Variants in ZNF92 observed in about 807,000 individuals in gnomAD.
ZNF92 encodes the protein zinc finger protein 92, also known as epididymis luminal protein 203.
A neutral mutation model predicts 12.4 loss-of-function variants in ZNF92; 11 were observed. The observed-to-expected ratio is 0.89, with a 90% CI of 0.56 to 1.47. The LOEUF (loss-of-function observed/expected upper bound fraction) is 1.47, where lower values mean the gene tolerates loss of function less well. Ranked by LOEUF, ZNF92 falls within the 40% of genes most tolerant of loss-of-function variation. The pLI is 0.00. For synonymous variants in ZNF92, 206 were observed against 228.6 expected, an observed-to-expected ratio of 0.90 and a Z score of 0.89; for missense variants, 622 against 681.0, an observed-to-expected ratio of 0.91 and a Z score of 0.96.
rs150697207 is a variant in ZNF92 at position 65,397,006 on chromosome 7, A to G, written c.227-1335A>G. ...TTTTTTATCTTCAAGTATCCTCTGT[A>G]CTACTTTTTTTTTTCTATATTCTTC... On this transcript the variant is annotated intron_variant, in intron 3 of 3. Coordinates refer to ENST00000328747, the MANE Select transcript of ZNF92 (RefSeq NM_152626.4). 4.9e-4 allele frequency among the ~76,000 whole-genome samples: 74 copies of G among 151,760 alleles called. 3 individuals are homozygous for G. Among genetic ancestry groups the G allele is most frequent in the African/African-American group, 1.7e-3 (72 of 41,394 alleles).
At position 65,399,522 on chromosome 7, in the gene ZNF92, AAACAT is replaced by A; in HGVS notation, c.1411_1415del (p.His471AsnfsTer5). The A allele has an allele frequency of 6.2e-7, 1 of 1,613,392 alleles. No homozygotes were observed. Among genetic ancestry groups the A allele is most frequent in the South Asian group, 1.1e-5 (1 of 91,014 alleles). ...CTTTAGTGTATTCTCAACCCTTACT[AAACAT>A]AAAATAATTCATACTAGAGAAAAAC... On this transcript the variant is annotated frameshift_variant, in exon 4 of 4. Transcript: ENST00000328747. LOFTEE classifies it low-confidence loss of function (END_TRUNC).
chr7:65,382,472 G>T (rs1196694474), intron 1 of ZNF92, among the ~76,000 whole-genome samples: 1 of 152,072 alleles, frequency 6.6e-6, no homozygotes, highest in Non-Finnish European at 1.5e-5. Context: ...GCTGCAAAAT[G>T]CATGCTGTCC....
At chr7:65,379,913 C>T (rs1584275129) in intron 1 of ZNF92, among the ~76,000 whole-genome samples, 1 of 152,048 alleles carries the variant, frequency 6.6e-6, no homozygotes, top group African/African-American at 2.4e-5. Context: ...CAGGATTGTT[C>T]TATAGGTAAA....
rs1332163500 is a variant in ZNF92, at chr7:65,373,974, C to T, written c.-24C>T. On this transcript the variant is annotated 5_prime_UTR_variant, in exon 1 of 4. Transcript: ENST00000328747. Reference sequence around the variant, plus strand: ...AACTTGGAGGTTCACAGCTAAGACGCCAGGACCCCCTGGAAGCCTAGAAAT... The same window carrying T: ...AACTTGGAGGTTCACAGCTAAGACGTCAGGACCCCCTGGAAGCCTAGAAAT... 3.7e-6 allele frequency: 6 copies of T among 1,614,104 alleles called. No homozygotes were observed. The highest frequency in any genetic ancestry group is 4.2e-6 in the Non-Finnish European group (5 of 1,179,974).
At position 65,398,729 on chromosome 7, in the gene ZNF92, A is replaced by G; in HGVS notation, c.615A>G (p.Glu205=). The change falls in exon 4 of 4, where the codon GAA becomes GAG. Residue 205 remains glutamate (E), a synonymous_variant. Coordinates refer to ENST00000328747, the MANE Select transcript of ZNF92 (RefSeq NM_152626.4). ...GAGAGTATTCTTACAAATGTGAAGAATGTGGTAAAGCCTTTAACTGGTCCT... is the reference window on the plus strand; with the variant it reads ...GAGAGTATTCTTACAAATGTGAAGAGTGTGGTAAAGCCTTTAACTGGTCCT... ...HTREYSYKCE[E]CGKAFNWSST... is the part of the protein sequence containing the mutation. 1.2e-6 allele frequency: 2 copies of G among 1,612,568 alleles called. No homozygotes were observed. Among genetic ancestry groups the G allele is most frequent in the Non-Finnish European group, 1.7e-6 (2 of 1,179,536 alleles).
intron 1 of ZNF92, among the ~76,000 whole-genome samples, chr7:65,384,011 G>A (rs1046838923): frequency 6.6e-5 from 10 of 152,074 alleles, no homozygotes; most frequent in Non-Finnish European, 1.2e-4. Context: ...CATTTGGGCC[G>A]CTTCTTTATA....
chr7:65,400,063 A>G lies in ZNF92; in HGVS notation c.*188A>G, dbSNP rs905006223. 2.4e-5 allele frequency: 13 copies of G among 535,280 alleles called. No homozygotes were observed. The highest frequency in any genetic ancestry group is 3.8e-5 in the Non-Finnish European group (12 of 314,386). 33.2% of individuals were successfully genotyped at this position (535,280 alleles called of 1,614,324 possible). A position where few individuals can be genotyped will look rare whatever the true frequency, so the allele number is the denominator to read the frequency against. On this transcript the variant is annotated 3_prime_UTR_variant, in exon 4 of 4. Coordinates refer to ENST00000328747, the MANE Select transcript of ZNF92 (RefSeq NM_152626.4). ...TGTGGCAAACTTTTAACCAATCCTC[A>G]CACCTTATTGCACAGGAAAGCATTT...
chr7:65,387,178 G>C (rs1273340756), intron 1 of ZNF92, among the ~76,000 whole-genome samples: 1 of 151,800 alleles, frequency 6.6e-6, no homozygotes, highest in Non-Finnish European at 1.5e-5. Flanking sequence ...CTGACCTCAG[G>C]TGATCCGCCC....
At chr7:65,390,782 A>T (rs1386545466) in intron 3 of ZNF92, among the ~76,000 whole-genome samples, 1 of 152,098 alleles carries the variant, frequency 6.6e-6, no homozygotes, top group Non-Finnish European at 1.5e-5. Context: ...TGGCTCAGAG[A>T]GTTGGAACTG....
At chr7:65,382,342 A>C (rs1793443689) in intron 1 of ZNF92, among the ~76,000 whole-genome samples, 3 of 151,858 alleles carry the variant, frequency 2.0e-5, no homozygotes, top group Admixed American at 2.0e-4. Flanking sequence ...CTTTCCTTTT[A>C]ATTATATTTT....
Position 65,387,870 on chromosome 7 carries a change from T to C in ZNF92, c.4-32T>C, listed in dbSNP as rs369964065. 2.0e-4 allele frequency: 313 copies of C among 1,556,826 alleles called. 3 individuals are homozygous for C. Among genetic ancestry groups the C allele is most frequent in the Non-Finnish European group, 2.5e-4 (293 of 1,156,754 alleles). ...TGCCCATGGCCACTTAGTAAACATA[T>C]GTGTGTTTGTGTGTGTGTGTGTGTT... On this transcript the variant is annotated intron_variant, in intron 1 of 3. Transcript: ENST00000328747.
chr7:65,390,621 G>A (rs981774291), intron 3 of ZNF92, among the ~76,000 whole-genome samples: 5 of 152,006 alleles, frequency 3.3e-5, no homozygotes, highest in African/African-American at 1.2e-4. Context: ...TGCTCTGTCG[G>A]GCAGACACTA....
At chr7:65,376,938 C>T (rs954348364) in intron 1 of ZNF92, among the ~76,000 whole-genome samples, 12 of 152,104 alleles carry the variant, frequency 7.9e-5, no homozygotes, top group African/African-American at 2.9e-4. Context: ...TTTGTTACAG[C>T]GAATATGTCT....
chr7:65,377,162 C>T (rs1793265527), intron 1 of ZNF92, among the ~76,000 whole-genome samples: 1 of 152,060 alleles, frequency 6.6e-6, no homozygotes, highest in Non-Finnish European at 1.5e-5. Flanking sequence ...CGTATTTATA[C>T]TGTGTTTGAG....
chr7:65,401,130 A>T lies in ZNF92; in HGVS notation c.*1255A>T, dbSNP rs1794004939. On this transcript the variant is annotated 3_prime_UTR_variant, in exon 4 of 4. Coordinates refer to ENST00000328747, the MANE Select transcript of ZNF92 (RefSeq NM_152626.4). ...TTTGTAATTAAACATTTTTTTTAGC[A>T]TGCTAAGACTAGTGTATTCGATGAA... The T allele has an allele frequency of 6.6e-6, 1 of 152,042 alleles. No individual in the cohort carries two copies. Among genetic ancestry groups the T allele is most frequent in the Admixed American group, 6.6e-5 (1 of 15,252 alleles). The allele number at this position is 152,042 out of a possible 1,614,324, so 9.4% of individuals were successfully genotyped here.
rs76733868 is a variant in ZNF92, at chr7:65,385,482, C to T, written c.4-2420C>T. The stretch of plus-strand genomic sequence containing the variant: ...ATTCGTGAGTGTTAAGTTCTATCTT[C>T]GCACTAAAGGGTGGTCACAAGGCCT... On this transcript the variant is annotated intron_variant, in intron 1 of 3. Transcript: ENST00000328747. Among the ~76,000 whole-genome samples the T allele has an allele frequency of 4.9e-3, 742 of 152,116 alleles. 8 individuals carry two copies. Among genetic ancestry groups the T allele is most frequent in the African/African-American group, 0.017 (692 of 41,492 alleles).
At chr7:65,380,388 C>T (rs1426628213) in intron 1 of ZNF92, among the ~76,000 whole-genome samples, 1 of 152,044 alleles carries the variant, frequency 6.6e-6, no homozygotes, top group African/African-American at 2.4e-5. Flanking sequence ...TACCTAAGCC[C>T]CCCAAGTAGC....
chr7:65,386,309 G>A (rs1285801986), intron 1 of ZNF92, among the ~76,000 whole-genome samples: 2 of 151,958 alleles, frequency 1.3e-5, no homozygotes, highest in Non-Finnish European at 2.9e-5. Flanking sequence ...ATGAGCCACC[G>A]CACCCAGGCA....
At chr7:65,394,038 A>C (rs1423941730) in intron 3 of ZNF92, among the ~76,000 whole-genome samples, 1 of 151,926 alleles carries the variant, frequency 6.6e-6, no homozygotes, top group African/African-American at 2.4e-5. Flanking sequence ...GGACGTTGTC[A>C]CTCTCTTGAA....
Sources: gnomAD v4.1 joint callset for allele counts (sites outside exome capture counted in the v4.1 genomes callset) on GRCh38, gnomAD v4.1.1 for gene constraint, MANE v1.5 for transcripts, NCBI Gene and HGNC (gene_info 2026-07-23, HGNC 2026-07-21) for gene names.